CDYL: variants seen among roughly 807,000 people sequenced by gnomAD.
CDYL encodes chromodomain Y like.
A neutral mutation model predicts 47.3 loss-of-function variants in CDYL; 8 were observed. That is an observed-to-expected ratio of 0.17 (90% confidence interval 0.10 to 0.31). The LOEUF (loss-of-function observed/expected upper bound fraction) is 0.31, where lower values mean the gene tolerates loss of function less well. Ranked by LOEUF, CDYL falls within the 10% of genes least tolerant of loss-of-function variation. The pLI is 1.00. For missense variants in CDYL, 471 were observed against 701.4 expected, an observed-to-expected ratio of 0.67 and a Z score of 3.71; for synonymous variants, 266 against 265.0, an observed-to-expected ratio of 1.00 and a Z score of -0.04.
chr6:4,843,154 C>G (rs1170383317), intron 1 of CDYL, among the ~76,000 whole-genome samples: 3 of 152,154 alleles, frequency 2.0e-5, no homozygotes, highest in Non-Finnish European at 4.4e-5. Flanking sequence ...CTAGTCCCTT[C>G]TAGCTTGTAG....
intron 1 of CDYL, among the ~76,000 whole-genome samples, chr6:4,708,534 A>AT (rs1297177707): frequency 2.0e-5 from 3 of 151,924 alleles, no homozygotes; most frequent in Non-Finnish European, 4.4e-5. Context: ...TAATTTTTGA[A>AT]TTTTTTCTAT....
At chr6:4,948,204 C>T (rs1758588157) in intron 5 of CDYL, among the ~76,000 whole-genome samples, 1 of 152,142 alleles carries the variant, frequency 6.6e-6, no homozygotes, top group African/African-American at 2.4e-5. Flanking sequence ...GAGGTTCTGA[C>T]CCCTCCCACT....
chr6:4,895,147 CTA>C (rs1240113271), intron 2 of CDYL, among the ~76,000 whole-genome samples: 2 of 15,892 alleles, frequency 1.3e-4, no homozygotes, highest in South Asian at 0.013. Context: ...GTATATGTAT[CTA>C]TACACATACA....
In CDYL at chr6:4,776,497, C is replaced by A; in HGVS notation, c.-287C>A. The A allele has an allele frequency of 7.0e-6, 1 of 142,684 alleles. No homozygotes were observed. Among genetic ancestry groups the A allele is most frequent in the South Asian group, 1.9e-4 (1 of 5,280 alleles). The allele number at this position is 142,684 out of a possible 1,614,324, so 8.8% of individuals were successfully genotyped here. The stretch of plus-strand genomic sequence containing the variant: ...CGCCGCCGCGCCCGCCCCAGCCCGC[C>A]CGGCCCCGCGGCGGGGCGCGATGAG... On this transcript the variant is annotated 5_prime_UTR_variant, in exon 1 of 7. Coordinates refer to ENST00000397588, the MANE Select transcript of CDYL (RefSeq NM_004824.4).
At chr6:4,720,511 T>C (rs1209508907) in intron 2 of CDYL, among the ~76,000 whole-genome samples, 1 of 152,196 alleles carries the variant, frequency 6.6e-6, no homozygotes, top group Non-Finnish European at 1.5e-5. Context: ...TTAACAACCA[T>C]TTCCATGAAT....
chr6:4,739,902 A>G lies in CDYL; in HGVS notation c.186+5058A>G, dbSNP rs369950405. Among the ~76,000 whole-genome samples, 176 of 152,174 alleles carry G rather than the reference A, an allele frequency of 1.2e-3. 1 individual carries two copies. The South Asian group carries it at 0.016, about 14-fold the overall frequency. ...CAGGAGGCAGAGGTTGTGGTGAGCC[A>G]AGATCATGCCATTGCACTCCAGCCT... On this transcript the variant is annotated intron_variant, in intron 3 of 8. Transcript: ENST00000328908.
chr6:4,763,419 C>T (rs1168793207), intron 3 of CDYL, among the ~76,000 whole-genome samples: 1 of 151,888 alleles, frequency 6.6e-6, no homozygotes. Context: ...AATTAAAACA[C>T]AAAGCAACAA....
At chr6:4,899,165 CA>C (rs1438893442) in intron 2 of CDYL, among the ~76,000 whole-genome samples, 1 of 152,222 alleles carries the variant, frequency 6.6e-6, no homozygotes, top group Non-Finnish European at 1.5e-5. Context: ...CTTTTGTAAT[CA>C]TCCCCTGTTG....
At chr6:4,755,102 T>C (rs34799716) in intron 3 of CDYL, among the ~76,000 whole-genome samples, 20,310 of 151,898 alleles carry the variant, frequency 0.13, 1,760 homozygotes, top group South Asian at 0.25. Context: ...TCTTGTCACC[T>C]AGGCTGGAGT....
At chr6:4,939,936 G>A (rs557592050) in intron 4 of CDYL, among the ~76,000 whole-genome samples, 7 of 152,162 alleles carry the variant, frequency 4.6e-5, no homozygotes, top group African/African-American at 9.7e-5. Context: ...TCCTGGCTCC[G>A]TTTTCCCGTG....
rs570221688 is a variant in CDYL at position 4,845,078 on chromosome 6, G to T, written c.25-46635G>T. ...GCACTTACTGAATTTCAAAATTATT[G>T]TACATTGCTCTATATATTCCATTTT... is the stretch of plus-strand genomic sequence containing the variant. On this transcript the variant is annotated intron_variant, in intron 1 of 6. Coordinates refer to ENST00000397588, the MANE Select transcript of CDYL (RefSeq NM_004824.4). Among the ~76,000 whole-genome samples, 23 of 152,188 alleles carry T rather than the reference G, an allele frequency of 1.5e-4. 1 individual carries two copies. The highest frequency in any genetic ancestry group is 1.3e-4 in the Admixed American group (2 of 15,300).
intron 1 of CDYL, among the ~76,000 whole-genome samples, chr6:4,813,830 G>T (rs888426765): frequency 6.6e-6 from 1 of 151,780 alleles, no homozygotes; most frequent in African/African-American, 2.4e-5. Context: ...TGGAAGTGCT[G>T]TGGTGCGATT....
rs1411551193 is a variant in CDYL at position 4,846,595 on chromosome 6, T to G, written c.25-45118T>G. On this transcript the variant is annotated intron_variant, in intron 1 of 6. Coordinates refer to ENST00000397588, the MANE Select transcript of CDYL (RefSeq NM_004824.4). ...GGAAAGGGCCCAGAAAATAGGTGAT[T>G]TATTCCTGGTTGACTTTCAGAGTTA... Among the ~76,000 whole-genome samples the G allele has an allele frequency of 6.6e-5, 10 of 152,280 alleles. No homozygotes were observed. The East Asian group carries it at 1.9e-3, about 29-fold the overall frequency.
At position 4,752,426 on chromosome 6, in the gene CDYL, T is replaced by C. The variant is rs568161422; in HGVS notation, c.186+17582T>C. 6.6e-5 allele frequency among the ~76,000 whole-genome samples: 10 copies of C among 152,314 alleles called. No homozygotes were observed. The South Asian group carries it at 2.1e-3, about 32-fold the overall frequency. The stretch of plus-strand genomic sequence containing the variant: ...TTAAAAATTTACATTTCTGAACTTG[T>C]ACTTTAACAGGCTTTCATCATAACT... On this transcript the variant is annotated intron_variant, in intron 3 of 8. Coordinates refer to the CDYL transcript ENST00000328908.
At chr6:4,738,361 C>G (rs1334454783) in intron 3 of CDYL, among the ~76,000 whole-genome samples, 1 of 150,694 alleles carries the variant, frequency 6.6e-6, no homozygotes, top group Non-Finnish European at 1.5e-5. Context: ...CGTGGGTGAC[C>G]AAGTGAGACT....
intron 1 of CDYL, among the ~76,000 whole-genome samples, chr6:4,837,109 A>G (rs1440688756): frequency 6.6e-6 from 1 of 152,256 alleles, no homozygotes; most frequent in East Asian, 1.9e-4. Context: ...AGATAGGTCA[A>G]TCATTGTTAA....
chr6:4,924,711 G>A (rs1469019742), intron 2 of CDYL, among the ~76,000 whole-genome samples: 1 of 152,146 alleles, frequency 6.6e-6, no homozygotes, highest in Non-Finnish European at 1.5e-5. Context: ...AAAAATGAAC[G>A]ACTTCGATAC....
chr6:4,780,396 A>ACCCCCCCCCCCCCCCCCCCCCCCC (rs1561847017), intron 1 of CDYL, among the ~76,000 whole-genome samples: 1 of 7,380 alleles, frequency 1.4e-4, no homozygotes, highest in African/African-American at 4.0e-4. Context: ...ACCCCCGCCT[A>ACCCCCCCCCCCCCCCCCCCCCCCC]CGCCCCCCCC....
chr6:4,838,599 C>T (rs1020144241), intron 1 of CDYL, among the ~76,000 whole-genome samples: 15 of 152,038 alleles, frequency 9.9e-5, no homozygotes, highest in Non-Finnish European at 7.4e-5. Context: ...CAAATATAAA[C>T]GTGTGTGCAA....
Sources: allele counts gnomAD v4.1 joint callset (sites outside exome capture counted in the v4.1 genomes callset), GRCh38; gene constraint gnomAD v4.1.1; transcripts MANE v1.5; gene names NCBI Gene and HGNC (gene_info 2026-07-23, HGNC 2026-07-21).